Variants in HCN3 observed in about 807,000 individuals in gnomAD.
The protein encoded by HCN3 is hyperpolarization activated cyclic nucleotide gated potassium channel 3, also known as potassium/sodium hyperpolarization-activated cyclic nucleotide-gated channel 3.
In HCN3, 36 loss-of-function variants were observed where a neutral mutation model predicts 56.8. The ratio of observed to expected loss-of-function variants is 0.63; its 90% CI spans 0.49 to 0.84. The LOEUF is 0.84. HCN3 is among the 40% of genes least tolerant of loss of function. HCN3 has a pLI of 0.00. For missense variants in HCN3, 930 were observed against 1,079.3 expected (o/e 0.86, Z 1.94); for synonymous variants, 425 against 439.7 (o/e 0.97, Z 0.42).
In HCN3 at chr1:155,288,368, C is replaced by T; in HGVS notation, c.2230C>T (p.Leu744Phe). The T allele has an allele frequency of 4.3e-6, 7 of 1,613,908 alleles. No individual in the cohort carries two copies. Among genetic ancestry groups the T allele is most frequent in the Non-Finnish European group, 5.9e-6 (7 of 1,180,018 alleles). ...SGSERLPPSG[L>F]LAKPPRTAQP... ...AAGTGAGCGGCTGCCTCCCTCAGGG[C>T]TCCTGGCCAAACCTCCAAGGACAGC... The change falls in exon 8 of 8, where the codon CTC becomes TTC. Residue 744 changes from leucine to phenylalanine, a missense_variant. Leu to Phe is a conservative substitution (Grantham distance 22). Coordinates refer to ENST00000368358, the MANE Select transcript of HCN3 (RefSeq NM_020897.3). This position sits in a 1 kb window ranked among gnomAD's most constrained non-coding sequence, Gnocchi z 6.5.
chr1:155,283,936 G>A (rs1038738288), intron 2 of HCN3, 38 bp from the exon 3 acceptor site: 2 of 1,589,198 alleles, frequency 1.3e-6, no homozygotes, highest in Non-Finnish European at 1.7e-6. Context: ...AGCAGGGAGG[G>A]GTTCCTGTCC....
rs1222492227 is a variant in HCN3 at position 155,285,741 on chromosome 1, C to G, written c.1254C>G (p.Thr418=). 1.2e-6 allele frequency: 2 copies of G among 1,614,084 alleles called. No individual in the cohort carries two copies. Among genetic ancestry groups the G allele is most frequent in the Non-Finnish European group, 1.7e-6 (2 of 1,180,042 alleles). ...CTGTCCAGGAGATCATTAACTTCAC[C>G]TGTCGGGGCCTGGTGGCCCACATGC... is the stretch of plus-strand genomic sequence containing the variant. The part of the protein sequence containing the change: ...EPLREEIINF[T]CRGLVAHMPL... Residue 418 remains threonine, a synonymous_variant, in exon 6 of 8, where the codon ACC becomes ACG. Coordinates refer to ENST00000368358, the MANE Select transcript of HCN3 (RefSeq NM_020897.3). The surrounding 1 kb of genome is among the most constrained non-coding windows in gnomAD (Gnocchi z 4.5).
In HCN3 at chr1:155,285,650, G is replaced by T; in HGVS notation, c.1237-74G>T. 2 of 1,576,560 alleles carry T rather than the reference G, an allele frequency of 1.3e-6. No individual in the cohort carries two copies. Among genetic ancestry groups the T allele is most frequent in the Non-Finnish European group, 1.7e-6 (2 of 1,158,718 alleles). The stretch of plus-strand genomic sequence containing the variant: ...ACATGACCCCAGGGGTGGGGTTTCT[G>T]GAAGCGGATGAGCTCGGTGGGATCA... On this transcript the variant is annotated intron_variant, in intron 5 of 7. Transcript: ENST00000368358. This position sits in a 1 kb window ranked among gnomAD's most constrained non-coding sequence, Gnocchi z 4.5.
chr1:155,278,932 C>A (rs779165400), intron 1 of HCN3, among the ~76,000 whole-genome samples: 1 of 152,164 alleles, frequency 6.6e-6, no homozygotes, highest in African/African-American at 2.4e-5. Context: ...CTACATCACC[C>A]GCCAGGCTTG....
In HCN3 at chr1:155,288,405, G is replaced by A. The variant is rs908869361; in HGVS notation, c.2267G>A (p.Arg756Lys). The change falls in exon 8 of 8, where the codon AGG becomes AAG. Residue 756 changes from arginine to lysine, a missense_variant. Coordinates refer to ENST00000368358, the MANE Select transcript of HCN3 (RefSeq NM_020897.3). The surrounding 1 kb of genome is among the most constrained non-coding windows in gnomAD (Gnocchi z 6.5). The part of the protein sequence containing the change: ...AKPPRTAQPP[R>K]PPVPEPATPR... The stretch of plus-strand genomic sequence containing the variant: ...CCTCCAAGGACAGCCCAGCCCCCCA[G>A]GCCACCAGTGCCTGAGCCAGCCACA... 1.2e-6 allele frequency: 2 copies of A among 1,612,956 alleles called. No homozygotes were observed. The highest frequency in any genetic ancestry group is 1.7e-6 in the Non-Finnish European group (2 of 1,179,612).
chr1:155,277,937 C>T, intron 1 of HCN3, 69 bp downstream of exon 1: 2 of 1,524,366 alleles, frequency 1.3e-6, no homozygotes, highest in Non-Finnish European at 8.9e-7. Flanking sequence ...CACCGGGACC[C>T]GGCCCGCCCC....
rs1673852647 is a variant in HCN3 at position 155,277,519 on chromosome 1, C to G, written c.-72C>G. On this transcript the variant is annotated 5_prime_UTR_variant, in exon 1 of 8. Transcript: ENST00000368358. ...CCGCGGGGCTGCGCCGACTCCTGCT[C>G]TGGAGGGGTTGCGGGTACCTGATGG... 6.8e-7 allele frequency: 1 copy of G among 1,475,158 alleles called. No homozygotes were observed. Among genetic ancestry groups the G allele is most frequent in the Non-Finnish European group, 9.0e-7 (1 of 1,110,802 alleles). 91.4% of individuals were successfully genotyped at this position (1,475,158 alleles called of 1,614,324 possible). A position where few individuals can be genotyped will look rare whatever the true frequency, so the allele number is the denominator to read the frequency against.
At chr1:155,286,392 G>T (rs1296441837) in intron 6 of HCN3, among the ~76,000 whole-genome samples, 2 of 152,228 alleles carry the variant, frequency 1.3e-5, no homozygotes, top group South Asian at 2.1e-4. Flanking sequence ...TGATCCGCCC[G>T]CCTCAGCCTC....
rs771402332 is a variant in HCN3 at position 155,282,486 on chromosome 1, CAAG to C, written c.355_357del (p.Lys119del). On this transcript the variant is annotated inframe_deletion, in exon 2 of 8. Transcript: ENST00000368358. The surrounding 1 kb of genome is among the most constrained non-coding windows in gnomAD (Gnocchi z 4.7). ...TCCTGCCTGTGGGCATCACCTTCTT[CAAG>C]GAGGAGAACTCCCCGCCTTGGATCG... 1.2e-6 allele frequency: 2 copies of C among 1,614,238 alleles called. No individual in the cohort carries two copies. The highest frequency in any genetic ancestry group is 3.3e-5 in the Admixed American group (2 of 60,028).
At position 155,284,133 on chromosome 1, in the gene HCN3, G is replaced by A. The variant is rs149206824; in HGVS notation, c.868G>A (p.Val290Met). 1 of 1,613,844 alleles carries A rather than the reference G, an allele frequency of 6.2e-7. No homozygotes were observed. The highest frequency in any genetic ancestry group is 1.3e-5 in the African/African-American group (1 of 75,042). ...PDCWVSINHM[V>M]NHSWGRQYSH... ...CTGCTGGGTCTCCATCAACCACATG[G>A]TGGTGAGAAGTCCCCACAGCTCTGC... is the stretch of plus-strand genomic sequence containing the variant. Residue 290 changes from valine (V) to methionine (M), a missense_variant and splice_region_variant, in exon 3 of 8, where the codon GTG (valine) becomes ATG (methionine). Coordinates refer to ENST00000368358, the MANE Select transcript of HCN3 (RefSeq NM_020897.3). This position sits in a 1 kb window ranked among gnomAD's most constrained non-coding sequence, Gnocchi z 4.3.
rs780053299 is a variant in HCN3 at position 155,282,730 on chromosome 1, G to A, written c.598G>A (p.Val200Ile). 2 of 1,614,190 alleles carry A rather than the reference G, an allele frequency of 1.2e-6. No individual in the cohort carries two copies. The highest frequency in any genetic ancestry group is 3.3e-4 in the Middle Eastern group (2 of 6,062). The change falls in exon 2 of 8, where the codon GTC becomes ATC. Residue 200 changes from valine (V) to isoleucine (I), a missense_variant. Physicochemically the swap from Val to Ile is conservative, Grantham distance 29 (BLOSUM62 3). Coordinates refer to ENST00000368358, the MANE Select transcript of HCN3 (RefSeq NM_020897.3). The surrounding 1 kb of genome is among the most constrained non-coding windows in gnomAD (Gnocchi z 4.7). ...VELEPRLDAE[V>I]YKTARALRIV... is the part of the protein sequence containing the mutation. ...GCTGGAGCCACGGTTGGACGCTGAG[G>A]TCTACAAAACGGCACGGGCCCTACG...
intron 6 of HCN3, among the ~76,000 whole-genome samples, 167 bp downstream of exon 6, chr1:155,286,131 G>A (rs1288169382): frequency 1.3e-5 from 2 of 152,010 alleles, no homozygotes; most frequent in African/African-American, 4.8e-5. Flanking sequence ...GAGCTCTATA[G>A]TTTTTGTTTG....
chr1:155,285,684 C>G lies in HCN3; in HGVS notation c.1237-40C>G. The G allele has an allele frequency of 6.2e-7, 1 of 1,610,088 alleles. No homozygotes were observed. The highest frequency in any genetic ancestry group is 8.5e-7 in the Non-Finnish European group (1 of 1,177,748). ...TGAGCTCGGTGGGATCATCTCAGGT[C>G]AGGGGCACAGCCTGCCTGACAGGCC... is the stretch of plus-strand genomic sequence containing the variant. On this transcript the variant is annotated intron_variant, in intron 5 of 7. Transcript: ENST00000368358. The surrounding 1 kb of genome is among the most constrained non-coding windows in gnomAD (Gnocchi z 4.5).
chr1:155,286,865 G>A (rs1049641892), intron 6 of HCN3, among the ~76,000 whole-genome samples: 1 of 152,114 alleles, frequency 6.6e-6, no homozygotes, highest in Non-Finnish European at 1.5e-5. Context: ...GAGCAGTCGG[G>A]GAGGGGTGGG....
intron 2 of HCN3, among the ~76,000 whole-genome samples, chr1:155,283,727 A>G (rs1324835560): frequency 2.0e-5 from 3 of 151,964 alleles, no homozygotes; most frequent in Non-Finnish European, 2.9e-5. Flanking sequence ...GACACTTACT[A>G]TGTGGTTCTG....
rs1674222288 is a variant in HCN3 at position 155,285,069 on chromosome 1, A to G, written c.1090-96A>G. 7.0e-7 allele frequency: 1 copy of G among 1,423,442 alleles called. No individual in the cohort carries two copies. The highest frequency in any genetic ancestry group is 1.4e-5 in the African/African-American group (1 of 70,386). 88.2% of individuals were successfully genotyped at this position (1,423,442 alleles called of 1,614,324 possible). A position where few individuals can be genotyped will look rare whatever the true frequency, so the allele number is the denominator to read the frequency against. ...TCCACGTTTCACCCCTTTGAGTTTG[A>G]CCTGTGTCTCTGACCTTCCGCACAC... On this transcript the variant is annotated intron_variant, in intron 4 of 7. Transcript: ENST00000368358. This position sits in a 1 kb window ranked among gnomAD's most constrained non-coding sequence, Gnocchi z 4.5.
Position 155,287,866 on chromosome 1 carries a change from A to C in HCN3, c.1728A>C (p.Gln576His). Residue 576 changes from glutamine to histidine, a missense_variant, in exon 8 of 8, where the codon CAA (glutamine) becomes CAC (histidine). Coordinates refer to ENST00000368358, the MANE Select transcript of HCN3 (RefSeq NM_020897.3). The stretch of plus-strand genomic sequence containing the variant: ...GCATCATGGAGCAGCACTTGGTGCA[A>C]CATGACAGAGACATGGCTCGGGGTG... ...SGGIMEQHLV[Q>H]HDRDMARGVR... 1.9e-6 allele frequency: 3 copies of C among 1,614,080 alleles called. No homozygotes were observed. The highest frequency in any genetic ancestry group is 2.5e-6 in the Non-Finnish European group (3 of 1,180,008).
rs1674430771 is a variant in HCN3, at chr1:155,289,281, C to T, written c.*818C>T. The T allele has an allele frequency of 6.6e-6, 1 of 152,238 alleles. No individual in the cohort carries two copies. The highest frequency in any genetic ancestry group is 2.1e-4 in the South Asian group (1 of 4,830). The allele number at this position is 152,238 out of a possible 1,614,324, so 9.4% of individuals were successfully genotyped here. On this transcript the variant is annotated 3_prime_UTR_variant, in exon 8 of 8. Coordinates refer to ENST00000368358, the MANE Select transcript of HCN3 (RefSeq NM_020897.3). ...TCCTTGTGTGATATTTTTTTCTTCG[C>T]TTGTTTATTTATTCATTTATTTAAT...
rs200587384 is a variant in HCN3 at position 155,285,167 on chromosome 1, C to T, written c.1092C>T (p.Tyr364=). The part of the protein sequence containing the change: ...DSSRRQYQEK[Y]KQVEQYMSFH... Reference sequence around the variant, plus strand: ...CTGGCAATGGGCTGGCCCTCCAGTACAAGCAGGTGGAGCAGTACATGTCCT... The same window carrying T: ...CTGGCAATGGGCTGGCCCTCCAGTATAAGCAGGTGGAGCAGTACATGTCCT... The change falls in exon 5 of 8, where the codon TAC becomes TAT. Residue 364 remains tyrosine, a splice_region_variant and synonymous_variant. Transcript: ENST00000368358. This position sits in a 1 kb window ranked among gnomAD's most constrained non-coding sequence, Gnocchi z 4.5. The T allele has an allele frequency of 1.4e-5, 23 of 1,613,814 alleles. No individual in the cohort carries two copies. In the African/African-American group the frequency reaches 1.7e-4, roughly 12 times the overall value.
Sources: gnomAD v4.1 joint callset for allele counts (sites outside exome capture counted in the v4.1 genomes callset) on GRCh38, gnomAD v4.1.1 for gene constraint, Gnocchi (gnomAD v3.1) non-coding constraint, MANE v1.5 for transcripts, NCBI Gene and HGNC (gene_info 2026-07-23, HGNC 2026-07-21) for gene names.